MAPK10: variants seen among roughly 807,000 people sequenced by gnomAD.
The protein encoded by MAPK10 is JNK3 alpha protein kinase.
MAPK10 carries 25 observed loss-of-function variants against 59.3 expected under a neutral mutation model. The observed-to-expected ratio is 0.42, with a 90% CI of 0.31 to 0.59. The LOEUF (loss-of-function observed/expected upper bound fraction) is 0.59, where lower values mean the gene tolerates loss of function less well. MAPK10 is among the 20% of genes least tolerant of loss of function. The pLI is 0.15. For missense variants in MAPK10, 351 were observed against 568.9 expected (o/e 0.62, Z 3.90); for synonymous variants, 190 against 200.5 (o/e 0.95, Z 0.44).
chr4:86,524,840 T>G, intron 1 of MAPK10, among the ~76,000 whole-genome samples: 1 of 149,234 alleles, frequency 6.7e-6, no homozygotes. Flanking sequence ...TAAATTAGGT[T>G]GGTGCAAAAA....
intron 2 of MAPK10, among the ~76,000 whole-genome samples, chr4:86,240,394 A>T (rs1230496618): frequency 6.6e-6 from 1 of 152,136 alleles, no homozygotes; most frequent in African/African-American, 2.4e-5. Context: ...TTCACGTCCC[A>T]AATATCCTTG....
intron 2 of MAPK10, among the ~76,000 whole-genome samples, chr4:86,275,274 ATGT>A (rs1423693944): frequency 2.6e-5 from 4 of 152,072 alleles, no homozygotes; most frequent in Admixed American, 6.6e-5. Flanking sequence ...ATTGTAGCTA[ATGT>A]TGTGTAAAAT....
chr4:86,301,806 CAG>C (rs1161073943), intron 2 of MAPK10, among the ~76,000 whole-genome samples: 4 of 151,936 alleles, frequency 2.6e-5, no homozygotes, highest in African/African-American at 9.7e-5. Flanking sequence ...ATGATCCAGG[CAG>C]AGAGTGTCCC....
intron 1 of MAPK10, among the ~76,000 whole-genome samples, chr4:86,385,238 G>T (rs1741308760): frequency 6.6e-6 from 1 of 152,004 alleles, no homozygotes; most frequent in Non-Finnish European, 1.5e-5. Flanking sequence ...ACTGGGGAAA[G>T]AATTGGCAAA....
At chr4:86,408,815 G>C (rs1326634804) in intron 1 of MAPK10, among the ~76,000 whole-genome samples, 1 of 152,098 alleles carries the variant, frequency 6.6e-6, no homozygotes, top group Non-Finnish European at 1.5e-5. Flanking sequence ...TTTGTCAGAT[G>C]GGTAGATTGC....
chr4:86,467,377 T>C (rs1752294259), intron 1 of MAPK10, among the ~76,000 whole-genome samples: 1 of 152,234 alleles, frequency 6.6e-6, no homozygotes, highest in East Asian at 1.9e-4. Flanking sequence ...GGTTTCACTG[T>C]GTCTACAGTG....
chr4:86,495,147 G>A (rs1754782163), intron 1 of MAPK10, among the ~76,000 whole-genome samples: 1 of 152,182 alleles, frequency 6.6e-6, no homozygotes, highest in Non-Finnish European at 1.5e-5. Context: ...GAGGCCTAAA[G>A]CGAGTTTGGC....
chr4:86,226,944 C>T (rs1050344607), intron 2 of MAPK10, among the ~76,000 whole-genome samples: 2 of 152,146 alleles, frequency 1.3e-5, no homozygotes, highest in Non-Finnish European at 2.9e-5. Context: ...TCTAATTTAT[C>T]TAGCTTCACT....
chr4:86,325,605 A>G (rs17409527), intron 2 of MAPK10, among the ~76,000 whole-genome samples: 39,163 of 152,136 alleles, frequency 0.26, 5,230 homozygotes, highest in South Asian at 0.43. Context: ...TCAAAAAGAT[A>G]TGACTGTATC....
At chr4:86,276,833 G>T (rs184458711) in intron 2 of MAPK10, among the ~76,000 whole-genome samples, 1 of 152,262 alleles carries the variant, frequency 6.6e-6, no homozygotes, top group East Asian at 1.9e-4. Context: ...AGCCCAGAAA[G>T]GCTAATAAAC....
chr4:86,204,046 T>C (rs2083257996), intron 2 of MAPK10, among the ~76,000 whole-genome samples: 1 of 151,866 alleles, frequency 6.6e-6, no homozygotes, highest in Non-Finnish European at 1.5e-5. Flanking sequence ...CATTAGTTTA[T>C]AAATTGTCGA....
chr4:86,136,774 T>C (rs1306164969), intron 4 of MAPK10, among the ~76,000 whole-genome samples: 1 of 151,670 alleles, frequency 6.6e-6, no homozygotes, highest in Non-Finnish European at 1.5e-5. Flanking sequence ...AACAGTGTGC[T>C]GTATTCAGGA....
chr4:86,057,507 C>T (rs1286497056), intron 11 of MAPK10, among the ~76,000 whole-genome samples: 1 of 149,758 alleles, frequency 6.7e-6, no homozygotes, highest in Non-Finnish European at 1.5e-5. Context: ...TTTGTTTCTT[C>T]AGGAGATGAT....
chr4:86,230,594 T>G (rs190830170), intron 2 of MAPK10, among the ~76,000 whole-genome samples: 2 of 152,228 alleles, frequency 1.3e-5, no homozygotes, highest in Non-Finnish European at 2.9e-5. Flanking sequence ...TAAGTAAATA[T>G]ATACAAATTA....
intron 1 of MAPK10, among the ~76,000 whole-genome samples, chr4:86,459,235 T>C (rs955132888): frequency 2.6e-5 from 4 of 152,166 alleles, no homozygotes; most frequent in African/African-American, 7.2e-5. Flanking sequence ...CTTGCAAGAA[T>C]GGCTATAATC....
At chr4:86,431,655 G>C (rs1748058860) in intron 1 of MAPK10, among the ~76,000 whole-genome samples, 1 of 152,200 alleles carries the variant, frequency 6.6e-6, no homozygotes, top group Non-Finnish European at 1.5e-5. Context: ...AGGCTGGTCA[G>C]CGTAGCCTTT....
intron 1 of MAPK10, among the ~76,000 whole-genome samples, chr4:86,400,438 CCT>C (rs201761150): frequency 6.6e-6 from 1 of 151,228 alleles, no homozygotes; most frequent in Non-Finnish European, 1.5e-5. Context: ...TCTCTCTCTC[CCT>C]CTCTCTCTCT....
At chr4:86,582,034 T>G (rs1762348590) in intron 1 of MAPK10, among the ~76,000 whole-genome samples, 1 of 150,152 alleles carries the variant, frequency 6.7e-6, no homozygotes, top group Non-Finnish European at 1.5e-5. Context: ...ATATCATTTA[T>G]CAGGTGCCAA....
At chr4:86,227,373 G>A (rs1324405179) in intron 2 of MAPK10, among the ~76,000 whole-genome samples, 1 of 151,698 alleles carries the variant, frequency 6.6e-6, no homozygotes, top group African/African-American at 2.4e-5. Context: ...TGTGGTCCCA[G>A]CTACTCGGGA....
Sources: gnomAD v4.1 joint callset for allele counts (sites outside exome capture counted in the v4.1 genomes callset) on GRCh38, gnomAD v4.1.1 for gene constraint, MANE v1.5 for transcripts, NCBI Gene and HGNC (gene_info 2026-07-23, HGNC 2026-07-21) for gene names.